Variants in ZNF385D observed in about 807,000 individuals in gnomAD.
ZNF385D encodes the protein zinc finger protein 659.
In ZNF385D, 15 loss-of-function variants were observed where a neutral mutation model predicts 35.8. The observed-to-expected ratio is 0.42, with a 90% CI of 0.28 to 0.64. ZNF385D has a LOEUF of 0.64. Ranked by LOEUF, ZNF385D falls within the 30% of genes least tolerant of loss-of-function variation. The probability of loss-of-function intolerance (pLI) is 0.23; values close to 1 mark genes in which losing one functional copy is unlikely to be tolerated. For missense variants in ZNF385D, 474 were observed against 494.6 expected (o/e 0.96, Z 0.39); for synonymous variants, 212 against 186.8 (o/e 1.13, Z -1.10).
At chr3:21,804,565 C>T (rs1292257053) in intron 3 of ZNF385D, among the ~76,000 whole-genome samples, 1 of 152,120 alleles carries the variant, frequency 6.6e-6, no homozygotes, top group Non-Finnish European at 1.5e-5. Flanking sequence ...GTTCCTCCCT[C>T]CCCCAGAGTG....
chr3:22,337,683 A>G (rs1695235611), intron 2 of ZNF385D, among the ~76,000 whole-genome samples: 3 of 152,222 alleles, frequency 2.0e-5, no homozygotes, highest in Admixed American at 2.0e-4. Context: ...ACTAATAGAA[A>G]CCAAACAGCA....
chr3:21,548,197 A>G (rs1208993797), intron 3 of ZNF385D, among the ~76,000 whole-genome samples: 3 of 152,238 alleles, frequency 2.0e-5, no homozygotes, highest in South Asian at 4.1e-4. Context: ...TGGCGGTGAT[A>G]TGGACAAGAA....
chr3:21,995,243 G>C (rs114745111), intron 3 of ZNF385D, among the ~76,000 whole-genome samples: 201 of 152,326 alleles, frequency 1.3e-3, no homozygotes, highest in African/African-American at 4.7e-3. Context: ...GTATAGTTGT[G>C]TCAGGGTGGC....
intron 2 of ZNF385D, among the ~76,000 whole-genome samples, chr3:21,565,583 T>TTGTC (rs1487687186): frequency 1.3e-5 from 2 of 152,168 alleles, no homozygotes; most frequent in Admixed American, 6.5e-5. Flanking sequence ...TTCACTATCC[T>TTGTC]TGTCTATTAA....
chr3:22,021,584 T>C (rs1697227365), intron 3 of ZNF385D, among the ~76,000 whole-genome samples: 1 of 152,110 alleles, frequency 6.6e-6, no homozygotes, highest in Non-Finnish European at 1.5e-5. Context: ...TTGTGAGGAC[T>C]GAGTGAGATA....
At chr3:22,268,516 C>A (rs1174511452) in intron 2 of ZNF385D, among the ~76,000 whole-genome samples, 1 of 151,964 alleles carries the variant, frequency 6.6e-6, no homozygotes, top group African/African-American at 2.4e-5. Flanking sequence ...ACTGCCACAA[C>A]TACTCACCCC....
intron 3 of ZNF385D, among the ~76,000 whole-genome samples, chr3:22,119,688 T>C (rs1010216288): frequency 3.3e-5 from 5 of 152,128 alleles, no homozygotes; most frequent in African/African-American, 7.2e-5. Context: ...TCTTAGGCAG[T>C]GGTAGATTGG....
At chr3:21,678,364 C>G (rs2066793104) in intron 1 of ZNF385D, among the ~76,000 whole-genome samples, 1 of 152,072 alleles carries the variant, frequency 6.6e-6, no homozygotes, top group Admixed American at 6.6e-5. Context: ...CCTGGTAAAT[C>G]TACCTGAGAT....
intron 3 of ZNF385D, among the ~76,000 whole-genome samples, chr3:21,825,771 CA>C (rs1399025412): frequency 7.9e-5 from 12 of 152,158 alleles, no homozygotes; most frequent in Admixed American, 2.6e-4. Context: ...AACGCTAGCC[CA>C]GGGGTCCCCA....
In ZNF385D at chr3:21,987,988, C is replaced by G. The variant is rs1409411339; in HGVS notation, c.325+180829G>C. Among the ~76,000 whole-genome samples the G allele has an allele frequency of 6.1e-5, 9 of 146,792 alleles. 1 individual carries two copies. In the East Asian group the frequency reaches 1.0e-3, roughly 17 times the overall value. ...GCTCCTGAAGCTTCTGCATTCTTCA[C>G]GTAGTTCTCGAGCCTTGGTTTTCAG... On this transcript the variant is annotated intron_variant, in intron 3 of 5. Coordinates refer to the ZNF385D transcript ENST00000494108.
chr3:22,036,622 C>A (rs1389880302), intron 3 of ZNF385D, among the ~76,000 whole-genome samples: 4 of 149,268 alleles, frequency 2.7e-5, no homozygotes, highest in African/African-American at 9.8e-5. Context: ...TGGTTGCTTA[C>A]AAATTGCAAA....
chr3:21,748,042 T>C (rs2069864374), intron 1 of ZNF385D, among the ~76,000 whole-genome samples: 1 of 152,152 alleles, frequency 6.6e-6, no homozygotes, highest in Non-Finnish European at 1.5e-5. Context: ...AAATGGTGAA[T>C]GCAAGATCCA....
At chr3:21,564,802 A>AAAG in intron 2 of ZNF385D, 118 bp from the exon 3 acceptor site, 1 of 451,268 alleles carries the variant, frequency 2.2e-6, no homozygotes, top group Non-Finnish European at 3.8e-6. Context: ...CTCACATTAT[A>AAAG]AAGAACCTTT....
At chr3:21,543,336 C>G (rs911090043) in intron 3 of ZNF385D, among the ~76,000 whole-genome samples, 1 of 152,208 alleles carries the variant, frequency 6.6e-6, no homozygotes, top group Non-Finnish European at 1.5e-5. Context: ...ACCCTTGTTT[C>G]TAAGACTTTT....
chr3:21,777,986 A>G (rs1055283744), intron 3 of ZNF385D, among the ~76,000 whole-genome samples: 3 of 151,888 alleles, frequency 2.0e-5, no homozygotes, highest in South Asian at 4.1e-4. Context: ...CAGACCCCAG[A>G]TGATATGCAG....
chr3:22,110,159 G>A (rs1477047028), intron 3 of ZNF385D, among the ~76,000 whole-genome samples: 1 of 152,066 alleles, frequency 6.6e-6, no homozygotes, highest in Non-Finnish European at 1.5e-5. Flanking sequence ...AGAGGATGTG[G>A]AGAAATAGGA....
intron 2 of ZNF385D, among the ~76,000 whole-genome samples, chr3:22,318,658 G>A (rs887680246): frequency 1.3e-5 from 2 of 152,060 alleles, no homozygotes; most frequent in African/African-American, 4.8e-5. Context: ...AAGCAGAAAG[G>A]AATTACCCAA....
chr3:21,969,013 C>T (rs1703079435), intron 3 of ZNF385D, among the ~76,000 whole-genome samples: 1 of 152,118 alleles, frequency 6.6e-6, no homozygotes, highest in Non-Finnish European at 1.5e-5. Flanking sequence ...ACAGATCTGG[C>T]AGCTTTTACC....
At chr3:22,025,427 G>T (rs1697478856) in intron 3 of ZNF385D, among the ~76,000 whole-genome samples, 1 of 152,114 alleles carries the variant, frequency 6.6e-6, no homozygotes, top group Non-Finnish European at 1.5e-5. Context: ...CACTCGAAAA[G>T]AACTTTGAGT....
Sources: gnomAD v4.1 joint callset for allele counts (sites outside exome capture counted in the v4.1 genomes callset) on GRCh38, gnomAD v4.1.1 for gene constraint, MANE v1.5 for transcripts, NCBI Gene and HGNC (gene_info 2026-07-23, HGNC 2026-07-21) for gene names.